VWA8: variants seen among roughly 807,000 people sequenced by gnomAD.
VWA8 encodes von Willebrand factor A domain-containing protein 8.
Under a neutral mutation model 241.5 loss-of-function variants are expected in VWA8, and 221 were observed. The ratio of observed to expected loss-of-function variants is 0.91; its 90% confidence interval spans 0.82 to 1.02. The LOEUF (loss-of-function observed/expected upper bound fraction) is 1.02. Ranked by LOEUF, VWA8 falls within the 50% of genes least tolerant of loss-of-function variation. The pLI is 0.00. For missense variants in VWA8, 2,322 were observed against 2,328.7 expected, an observed-to-expected ratio of 1.00 and a Z score of 0.06; for synonymous variants, 852 against 827.1, an observed-to-expected ratio of 1.03 and a Z score of -0.52.
Position 41,659,979 on chromosome 13 carries a change from C to A in VWA8, c.4611+10967G>T, listed in dbSNP as rs114881169. On this transcript the variant is annotated intron_variant, in intron 37 of 44. Coordinates refer to ENST00000379310, the MANE Select transcript of VWA8 (RefSeq NM_015058.2). ...ACTTTTCTCCATGCCACCTTGATGTCTGTTTTCATGTTCTTTTGCTTTATC... is the reference window on the plus strand; with the variant it reads ...ACTTTTCTCCATGCCACCTTGATGTATGTTTTCATGTTCTTTTGCTTTATC... Among the ~76,000 whole-genome samples, 255 of 152,254 alleles carry A rather than the reference C, an allele frequency of 1.7e-3. 1 individual carries two copies. Among genetic ancestry groups the A allele is most frequent in the African/African-American group, 5.9e-3 (245 of 41,558 alleles).
At chr13:41,694,589 T>G (rs894233600) in intron 29 of VWA8, among the ~76,000 whole-genome samples, 1 of 152,084 alleles carries the variant, frequency 6.6e-6, no homozygotes, top group African/African-American at 2.4e-5. Context: ...ATAATCTCTA[T>G]TCTAGATTAA....
intron 17 of VWA8, among the ~76,000 whole-genome samples, chr13:41,808,466 C>T (rs749091823): frequency 2.6e-5 from 4 of 152,040 alleles, no homozygotes; most frequent in Admixed American, 6.6e-5. Context: ...GAGAGAGAGG[C>T]AGGGAGGTAC....
intron 35 of VWA8, among the ~76,000 whole-genome samples, chr13:41,684,291 C>T (rs948863291): frequency 6.6e-6 from 1 of 151,934 alleles, no homozygotes; most frequent in African/African-American, 2.4e-5. Context: ...TTTGTGAAGT[C>T]CACACTAATA....
Position 41,856,658 on chromosome 13 carries a change from CA to C in VWA8, c.1425+9077del, listed in dbSNP as rs1872762573. ...CAACATGGCAAAACCCCATCTCTAC[CA>C]AAAATACAAAAAAAATTAGCCAAGC... On this transcript the variant is annotated intron_variant, in intron 12 of 44. Transcript: ENST00000379310. Among the ~76,000 whole-genome samples, 3 of 151,730 alleles carry C rather than the reference CA, an allele frequency of 2.0e-5. No individual in the cohort carries two copies. The South Asian group carries it at 6.3e-4, about 32-fold the overall frequency.
At position 41,720,499 on chromosome 13, in the gene VWA8, C is replaced by T. The variant is rs180731246; in HGVS notation, c.2965-757G>A. Among the ~76,000 whole-genome samples the T allele has an allele frequency of 2.2e-4, 33 of 152,244 alleles. No individual in the cohort carries two copies. The East Asian group carries it at 6.4e-3, about 29-fold the overall frequency. The stretch of plus-strand genomic sequence containing the variant: ...TGCCTTACAGAATGGTTAAATCACA[C>T]TAATTAATATATCTATCATTTAACA... On this transcript the variant is annotated intron_variant, in intron 25 of 44. Coordinates refer to ENST00000379310, the MANE Select transcript of VWA8 (RefSeq NM_015058.2).
intron 10 of VWA8, 86 bp from the exon 11 acceptor site, chr13:41,866,122 C>A: frequency 1.3e-6 from 2 of 1,535,870 alleles, no homozygotes; most frequent in South Asian, 2.4e-5. Flanking sequence ...CCAAGGCAGG[C>A]AGATCACTTG....
chr13:41,842,125 T>C (rs1210979751), intron 12 of VWA8, among the ~76,000 whole-genome samples: 3 of 151,834 alleles, frequency 2.0e-5, no homozygotes, highest in Admixed American at 2.0e-4. Flanking sequence ...CCCACACCTA[T>C]TAGTGGCAGC....
chr13:41,707,649 G>C (rs1288422759), intron 26 of VWA8, among the ~76,000 whole-genome samples: 1 of 152,120 alleles, frequency 6.6e-6, no homozygotes, highest in Non-Finnish European at 1.5e-5. Context: ...GCCTTTCATG[G>C]AATAGCCCTG....
chr13:41,957,969 C>A (rs1878424532), intron 1 of VWA8, among the ~76,000 whole-genome samples: 1 of 152,132 alleles, frequency 6.6e-6, no homozygotes, highest in South Asian at 2.1e-4. Flanking sequence ...TTGCTTGGCT[C>A]CATCTGTAAA....
chr13:41,756,769 A>G (rs903949702), intron 21 of VWA8, among the ~76,000 whole-genome samples: 12 of 151,720 alleles, frequency 7.9e-5, no homozygotes, highest in Admixed American at 5.9e-4. Context: ...ATTTTAAAAT[A>G]TTAAATTTAA....
chr13:41,886,702 A>G, intron 7 of VWA8, 79 bp downstream of exon 7: 1 of 1,175,770 alleles, frequency 8.5e-7, no homozygotes, highest in Non-Finnish European at 1.2e-6. Flanking sequence ...GAATGACTGA[A>G]TTAATTAATC....
At chr13:41,611,337 T>TA (rs2044586788) in intron 39 of VWA8, among the ~76,000 whole-genome samples, 1 of 152,204 alleles carries the variant, frequency 6.6e-6, no homozygotes, top group Non-Finnish European at 1.5e-5. Context: ...TAGGAACAGA[T>TA]AGACATGGAT....
At chr13:41,585,302 C>T (rs2044410014) in intron 42 of VWA8, among the ~76,000 whole-genome samples, 1 of 152,172 alleles carries the variant, frequency 6.6e-6, no homozygotes, top group Admixed American at 6.5e-5. Context: ...CTGGAGGCAT[C>T]GGAATGGCAC....
intron 12 of VWA8, among the ~76,000 whole-genome samples, chr13:41,837,362 CT>C (rs1319205478): frequency 6.6e-6 from 1 of 152,200 alleles, no homozygotes; most frequent in African/African-American, 2.4e-5. Flanking sequence ...GTTGGCCCTA[CT>C]TTCCCCAATA....
intron 43 of VWA8, among the ~76,000 whole-genome samples, chr13:41,572,109 C>T (rs553290961): frequency 2.7e-4 from 40 of 150,256 alleles, no homozygotes; most frequent in African/African-American, 8.7e-4. Flanking sequence ...CCCCTCCGCC[C>T]GGCAGCTGCC....
chr13:41,705,345 G>C (rs1386323731), intron 26 of VWA8, among the ~76,000 whole-genome samples: 1 of 152,164 alleles, frequency 6.6e-6, no homozygotes, highest in Non-Finnish European at 1.5e-5. Flanking sequence ...TACAATTACT[G>C]TGTTCTCTCT....
chr13:41,868,584 T>A, intron 9 of VWA8, 107 bp from the exon 10 acceptor site: 1 of 1,304,702 alleles, frequency 7.7e-7, no homozygotes, highest in Non-Finnish European at 1.0e-6. Flanking sequence ...TTTATATTAT[T>A]ATATAAAAGT....
chr13:41,639,691 T>C (rs2044782671), intron 37 of VWA8, among the ~76,000 whole-genome samples: 1 of 152,170 alleles, frequency 6.6e-6, no homozygotes, highest in African/African-American at 2.4e-5. Flanking sequence ...AAGTGAGGCA[T>C]GTTTGTAAGA....
intron 40 of VWA8, among the ~76,000 whole-genome samples, chr13:41,602,493 AT>A (rs1372147458): frequency 6.6e-6 from 1 of 152,140 alleles, no homozygotes; most frequent in Non-Finnish European, 1.5e-5. Flanking sequence ...GATTATGAGA[AT>A]TGACACAATG....
Sources: gnomAD v4.1 joint callset for allele counts (sites outside exome capture counted in the v4.1 genomes callset) on GRCh38, gnomAD v4.1.1 for gene constraint, MANE v1.5 for transcripts, NCBI Gene and HGNC (gene_info 2026-07-23, HGNC 2026-07-21) for gene names.